Variants in CABIN1 observed in about 807,000 individuals in gnomAD.
CABIN1 encodes calcineurin-binding protein cabin-1.
In CABIN1, 133 loss-of-function variants were observed where a neutral mutation model predicts 227.7. The ratio of observed to expected loss-of-function variants is 0.58; its 90% CI spans 0.51 to 0.67. CABIN1 has a LOEUF of 0.67. CABIN1 is among the 30% of genes least tolerant of loss of function. The probability of loss-of-function intolerance (pLI) is 0.00; values close to 1 mark genes in which losing one functional copy is unlikely to be tolerated. For synonymous variants in CABIN1, 1,086 were observed against 1,155.1 expected (o/e 0.94, Z 1.21); for missense variants, 2,408 against 2,852.5 (o/e 0.84, Z 3.55).
chr22:24,036,060 T>C (rs772954086), intron 2 of CABIN1, 29 bp from the exon 3 acceptor site: 1 of 1,512,250 alleles, frequency 6.6e-7, no homozygotes, highest in Admixed American at 1.7e-5. Context: ...CAAAGCAACT[T>C]GTCTCTTCCA....
At chr22:24,038,506 A>G (rs1357238107) in intron 4 of CABIN1, 45 bp downstream of exon 4, 1 of 1,388,844 alleles carries the variant, frequency 7.2e-7, no homozygotes, top group Middle Eastern at 2.3e-4. Flanking sequence ...TGGTTAGTGC[A>G]TGGGCTGTGG....
rs377646902 is a variant in CABIN1, at chr22:24,171,797, C to A, written c.5842C>A (p.Pro1948Thr). The part of the protein sequence containing the change: ...FFPVTVVPTA[P>T]DPVPADSVQR... The stretch of plus-strand genomic sequence containing the variant: ...TCCTGTGACAGTGGTGCCCACAGCC[C>A]CTGACCCTGTGCCAGCTGACTCTGT... Residue 1948 changes from proline (P) to threonine (T), a missense_variant, in exon 34 of 37, where the codon CCT becomes ACT. Around this residue, in one of 3 missense-constraint regions of CABIN1, gnomAD observed 714 missense variants for 773.8 expected, o/e 0.92. Coordinates refer to ENST00000263119, the MANE Select transcript of CABIN1 (RefSeq NM_012295.4). 130 of 1,614,082 alleles carry A rather than the reference C, an allele frequency of 8.1e-5. No individual in the cohort carries two copies. Among genetic ancestry groups the A allele is most frequent in the Non-Finnish European group, 1.0e-4 (122 of 1,180,056 alleles).
In CABIN1 at chr22:24,064,033, A is replaced by G. The variant is rs1258734575; in HGVS notation, c.1885-2A>G. The G allele has an allele frequency of 3.7e-6, 6 of 1,614,070 alleles. No homozygotes were observed. The highest frequency in any genetic ancestry group is 5.1e-6 in the Non-Finnish European group (6 of 1,180,048). ...TCCCTGACCTGTTTTCCGTCTAACCAGGGAGACATGGAGCAGGCCCTGGAG... is the reference window on the plus strand; with the variant it reads ...TCCCTGACCTGTTTTCCGTCTAACCGGGGAGACATGGAGCAGGCCCTGGAG... On this transcript the variant is annotated splice_acceptor_variant, in intron 14 of 36. Transcript: ENST00000263119. LOFTEE classifies it high-confidence loss of function.
At chr22:24,065,830 C>T (rs538513737) in intron 15 of CABIN1, among the ~76,000 whole-genome samples, 97 of 152,364 alleles carry the variant, frequency 6.4e-4, no homozygotes, top group Non-Finnish European at 1.1e-3. Flanking sequence ...AGCGAAACCC[C>T]GTCTCCACCG....
Position 24,164,581 on chromosome 22 carries a change from G to T in CABIN1, c.4910+18G>T. On this transcript the variant is annotated intron_variant, in intron 30 of 36. Coordinates refer to ENST00000263119, the MANE Select transcript of CABIN1 (RefSeq NM_012295.4). ...CAGGGCAAGTGAGTGCAGCCACCCT[G>T]GACACAGCCTGGCATGCTGTGTGGG... 6.2e-7 allele frequency: 1 copy of T among 1,601,400 alleles called. No individual in the cohort carries two copies. Among genetic ancestry groups the T allele is most frequent in the Non-Finnish European group, 8.5e-7 (1 of 1,179,758 alleles).
At chr22:24,138,169 A>G (rs2044533367) in intron 29 of CABIN1, among the ~76,000 whole-genome samples, 1 of 152,158 alleles carries the variant, frequency 6.6e-6, no homozygotes, top group African/African-American at 2.4e-5. Flanking sequence ...AAATTGTGAG[A>G]GTTGTAGTTT....
rs552250812 is a variant in CABIN1, at chr22:24,167,103, C to T, written c.5472C>T (p.Pro1824=). ...CCCAGCCAGCCCCCGCCCCCGCCCC[C>T]GCCACCACCACAGGGACCAGGGCAG... ...TPAQPAPAPA[P]ATTTGTRAGG... The change falls in exon 32 of 37, where the codon CCC becomes CCT. Residue 1824 remains proline (P), a synonymous_variant. Transcript: ENST00000263119. The T allele has an allele frequency of 3.4e-4, 522 of 1,549,514 alleles. 1 individual carries two copies. In the African/African-American group the frequency reaches 6.2e-3, roughly 19 times the overall value.
At chr22:24,084,240 ATT>A (rs987224344) in intron 20 of CABIN1, among the ~76,000 whole-genome samples, 12 of 140,550 alleles carry the variant, frequency 8.5e-5, no homozygotes, top group Admixed American at 2.1e-4. Flanking sequence ...GGGCATGCAG[ATT>A]TTTTTTTTTT....
rs777347154 is a variant in CABIN1 at position 24,166,930 on chromosome 22, A to T, written c.5299A>T (p.Thr1767Ser). The change falls in exon 32 of 37, where the codon ACT becomes TCT. Residue 1767 changes from threonine to serine, a missense_variant. Transcript: ENST00000263119. The stretch of plus-strand genomic sequence containing the variant: ...TGAGCCCATGGACACGAGTGAGGCC[A>T]CTGTTTGCCACTCAGACTTGGAGCG... ...PTEPMDTSEA[T>S]VCHSDLERTP... 6 of 1,603,310 alleles carry T rather than the reference A, an allele frequency of 3.7e-6. No individual in the cohort carries two copies. The South Asian group carries it at 6.7e-5, about 18-fold the overall frequency.
At chr22:24,153,052 C>T (rs1401229609) in intron 29 of CABIN1, among the ~76,000 whole-genome samples, 2 of 152,200 alleles carry the variant, frequency 1.3e-5, no homozygotes, top group African/African-American at 2.4e-5. Context: ...GCAGCTCAGC[C>T]GACAGCACCT....
rs754976977 is a variant in CABIN1 at position 24,051,063 on chromosome 22, G to A, written c.806+89G>A. On this transcript the variant is annotated intron_variant, in intron 8 of 36. Transcript: ENST00000263119. ...CCTGCACAGGAGGGAGAGACCTTGA[G>A]GCTTGATCCTGGGTTGGTGGTATGA... is the stretch of plus-strand genomic sequence containing the variant. 30 of 1,555,894 alleles carry A rather than the reference G, an allele frequency of 1.9e-5. 1 individual carries two copies. Among genetic ancestry groups the A allele is most frequent in the Non-Finnish European group, 2.6e-5 (29 of 1,132,986 alleles).
intron 29 of CABIN1, among the ~76,000 whole-genome samples, chr22:24,139,266 G>T (rs576969023): frequency 1.3e-5 from 2 of 152,136 alleles, no homozygotes; most frequent in Non-Finnish European, 2.9e-5. Flanking sequence ...CAGATGTGTC[G>T]TGCGGCTTTT....
chr22:24,067,138 T>C lies in CABIN1; in HGVS notation c.2189T>C (p.Met730Thr). 1 of 1,614,266 alleles carries C rather than the reference T, an allele frequency of 6.2e-7. No individual in the cohort carries two copies. Among genetic ancestry groups the C allele is most frequent in the Non-Finnish European group, 8.5e-7 (1 of 1,180,044 alleles). The change falls in exon 16 of 37, where the codon ATG becomes ACG. Residue 730 changes from methionine (M) to threonine (T), a missense_variant. Physicochemically the swap from Met to Thr is moderately conservative, Grantham distance 81. Coordinates refer to ENST00000263119, the MANE Select transcript of CABIN1 (RefSeq NM_012295.4). ...GACCGGGCCAAACACCTGGAGTTTA[T>C]GACTTCCATTCCTGAGAGGCCAGCC... ...GFDRAKHLEF[M>T]TSIPERPAQL...
At chr22:24,025,217 T>C (rs2035993817) in intron 1 of CABIN1, among the ~76,000 whole-genome samples, 1 of 152,210 alleles carries the variant, frequency 6.6e-6, no homozygotes, top group South Asian at 2.1e-4. Flanking sequence ...TTTGACTTTT[T>C]CAAACTATTT....
intron 19 of CABIN1, among the ~76,000 whole-genome samples, chr22:24,080,539 C>G (rs147991505): frequency 3.4e-4 from 52 of 152,320 alleles, no homozygotes; most frequent in African/African-American, 1.2e-3. Context: ...GTATATCTCT[C>G]TGTTTATTTA....
chr22:24,104,401 G>A (rs1432378532), intron 26 of CABIN1, among the ~76,000 whole-genome samples: 1 of 152,240 alleles, frequency 6.6e-6, no homozygotes, highest in African/African-American at 2.4e-5. Context: ...GATGAGAGAT[G>A]CATGATGAGG....
intron 29 of CABIN1, among the ~76,000 whole-genome samples, chr22:24,138,062 A>G (rs1236708379): frequency 6.6e-6 from 1 of 152,202 alleles, no homozygotes; most frequent in East Asian, 1.9e-4. Flanking sequence ...GTCCTGGGCC[A>G]TCCACACTGC....
chr22:24,038,578 A>T (rs2037114043), intron 4 of CABIN1, 117 bp downstream of exon 4: 3 of 746,778 alleles, frequency 4.0e-6, no homozygotes, highest in Non-Finnish European at 7.2e-6. Context: ...CCTTGAAAAC[A>T]TTATTTCACC....
chr22:24,129,749 T>C (rs2043956155), intron 28 of CABIN1, among the ~76,000 whole-genome samples: 1 of 152,122 alleles, frequency 6.6e-6, no homozygotes, highest in Non-Finnish European at 1.5e-5. Context: ...GGGAATAGTA[T>C]TCCAGGGGAG....
Sources: allele counts gnomAD v4.1 joint callset (sites outside exome capture counted in the v4.1 genomes callset), GRCh38; gene constraint gnomAD v4.1.1; regional missense constraint gnomAD v4.1.1; transcripts MANE v1.5; gene names NCBI Gene and HGNC (gene_info 2026-07-23, HGNC 2026-07-21).